ATP13A4: variants seen among roughly 807,000 people sequenced by gnomAD.
ATP13A4 encodes probable cation-transporting ATPase 13A4.
In ATP13A4, 114 loss-of-function variants were observed where a neutral mutation model predicts 142.5. That is an observed-to-expected ratio of 0.80 (90% CI 0.69 to 0.93). ATP13A4 has a LOEUF of 0.93. Among genes scored for constraint, ATP13A4 ranks in the 40% least tolerant of loss-of-function variants. ATP13A4 has a pLI of 0.00. For missense variants in ATP13A4, 1,392 were observed against 1,454.0 expected (o/e 0.96, Z 0.69); for synonymous variants, 488 against 514.8 (o/e 0.95, Z 0.70).
chr3:193,531,811 C>T (rs1465491913), intron 1 of ATP13A4, among the ~76,000 whole-genome samples: 1 of 152,136 alleles, frequency 6.6e-6, no homozygotes, highest in East Asian at 1.9e-4. Context: ...TACTGTTTCT[C>T]TTGGGGGAAA....
chr3:193,419,641 T>A (rs770167414), intron 25 of ATP13A4, among the ~76,000 whole-genome samples: 2 of 148,958 alleles, frequency 1.3e-5, no homozygotes, highest in Non-Finnish European at 3.0e-5. Flanking sequence ...AGCTCGCAGT[T>A]GTGCATTCCA....
In ATP13A4 at chr3:193,462,804, T is replaced by A. The variant is rs1380781026; in HGVS notation, c.1481A>T (p.Asp494Val). The A allele has an allele frequency of 1.9e-6, 3 of 1,613,894 alleles. No homozygotes were observed. Among genetic ancestry groups the A allele is most frequent in the Admixed American group, 1.7e-5 (1 of 59,988 alleles). Residue 494 changes from aspartate to valine, a missense_variant, in exon 13 of 30, where the codon GAC becomes GTC. Physicochemically the swap from Asp to Val is radical, Grantham distance 152. Coordinates refer to ENST00000342695, the MANE Select transcript of ATP13A4 (RefSeq NM_032279.4). ...CFDKTGTLTR[D>V]GLDLWGVVSC... ...CACGACTCCCCAGAGGTCCAAGCCG[T>A]CCCTTGTTAAGGTGCCTGTCTAAAC...
At chr3:193,478,192 T>C (rs571701551) in intron 8 of ATP13A4, among the ~76,000 whole-genome samples, 9 of 151,406 alleles carry the variant, frequency 5.9e-5, no homozygotes, top group Non-Finnish European at 1.3e-4. Flanking sequence ...AAATAGACAA[T>C]CTCAGGTTAC....
At chr3:193,475,189 C>G (rs1718895939) in intron 8 of ATP13A4, among the ~76,000 whole-genome samples, 1 of 151,984 alleles carries the variant, frequency 6.6e-6, no homozygotes, top group Non-Finnish European at 1.5e-5. Flanking sequence ...TATGAAAAGA[C>G]ATATGTACAA....
intron 14 of ATP13A4, 139 bp from the exon 15 acceptor site, chr3:193,457,604 A>C: frequency 1.3e-6 from 1 of 780,800 alleles, no homozygotes; most frequent in East Asian, 2.6e-5. Flanking sequence ...GAGGTGAACC[A>C]GATTTATTCC....
chr3:193,570,566 A>T (rs764453560), intron 2 of ATP13A4, among the ~76,000 whole-genome samples: 5 of 152,190 alleles, frequency 3.3e-5, no homozygotes, highest in Non-Finnish European at 5.9e-5. Context: ...GGTGACAGTG[A>T]ACAGAAGGGA....
chr3:193,473,444 A>G (rs977260860), intron 8 of ATP13A4, among the ~76,000 whole-genome samples: 2 of 152,218 alleles, frequency 1.3e-5, no homozygotes, highest in Non-Finnish European at 2.9e-5. Flanking sequence ...TTTGGCAACT[A>G]TCAAAGTAAT....
intron 1 of ATP13A4, among the ~76,000 whole-genome samples, chr3:193,529,096 C>T (rs1394356097): frequency 6.6e-6 from 1 of 152,038 alleles, no homozygotes; most frequent in Non-Finnish European, 1.5e-5. Flanking sequence ...ATGGCGAAAC[C>T]CCGTCTCTAC....
At chr3:193,541,194 A>G (rs1031945123) in intron 1 of ATP13A4, among the ~76,000 whole-genome samples, 1 of 145,864 alleles carries the variant, frequency 6.9e-6, no homozygotes, top group African/African-American at 2.5e-5. Context: ...GCTTGCAGTG[A>G]GCCGAGATCG....
chr3:193,507,503 T>C (rs1486145347), intron 2 of ATP13A4, among the ~76,000 whole-genome samples: 1 of 152,034 alleles, frequency 6.6e-6, no homozygotes, highest in Non-Finnish European at 1.5e-5. Context: ...TCACAATAAT[T>C]ATTATCTCAG....
At chr3:193,591,508 C>G (rs1400767089) in intron 1 of ATP13A4, among the ~76,000 whole-genome samples, 1 of 152,130 alleles carries the variant, frequency 6.6e-6, no homozygotes. Context: ...GACATACAGA[C>G]CTAAAGCATA....
At chr3:193,514,287 T>C (rs1034736289) in intron 2 of ATP13A4, among the ~76,000 whole-genome samples, 6 of 152,190 alleles carry the variant, frequency 3.9e-5, no homozygotes, top group African/African-American at 1.4e-4. Context: ...CTTCTATGTG[T>C]CCATGTGTTA....
intron 11 of ATP13A4, among the ~76,000 whole-genome samples, chr3:193,465,361 T>C (rs1427458480): frequency 6.6e-6 from 1 of 152,180 alleles, no homozygotes; most frequent in Non-Finnish European, 1.5e-5. Flanking sequence ...CTAATTTTTG[T>C]ATTTTTAGTA....
At chr3:193,585,406 G>C (rs1577091119) in intron 1 of ATP13A4, among the ~76,000 whole-genome samples, 1 of 152,050 alleles carries the variant, frequency 6.6e-6, no homozygotes, top group African/African-American at 2.4e-5. Context: ...GGCAACAAGA[G>C]CAAAGCTCTG....
At chr3:193,568,913 G>A (rs1310463016) in intron 2 of ATP13A4, among the ~76,000 whole-genome samples, 2 of 152,194 alleles carry the variant, frequency 1.3e-5, no homozygotes, top group Non-Finnish European at 2.9e-5. Context: ...ATACAAATAA[G>A]TTATAGAATA....
intron 2 of ATP13A4, among the ~76,000 whole-genome samples, chr3:193,570,395 A>T (rs1724233317): frequency 6.6e-6 from 1 of 152,250 alleles, no homozygotes; most frequent in Admixed American, 6.5e-5. Flanking sequence ...AACATGATTT[A>T]TAGGTTATTT....
intron 18 of ATP13A4, among the ~76,000 whole-genome samples, chr3:193,446,144 G>C (rs373490342): frequency 2.0e-5 from 3 of 152,014 alleles, no homozygotes; most frequent in African/African-American, 7.2e-5. Flanking sequence ...GCCTGGACAA[G>C]AGAGCAAGAC....
chr3:193,401,404 T>C lies in ATP13A4; in HGVS notation c.*1248A>G, dbSNP rs74931798. On this transcript the variant is annotated 3_prime_UTR_variant, in exon 30 of 30. Transcript: ENST00000342695. ...CAAGCCACAAACTTTAAAAAAAAAA[T>C]GTACTAGTTGTGTAAGAACTCCCAT... Among the ~76,000 whole-genome samples, 1 of 151,822 alleles carries C rather than the reference T, an allele frequency of 6.6e-6. No individual in the cohort carries two copies. Among genetic ancestry groups the C allele is most frequent in the Admixed American group, 6.6e-5 (1 of 15,228 alleles).
At chr3:193,495,996 T>A (rs1720203673) in intron 3 of ATP13A4, among the ~76,000 whole-genome samples, 1 of 152,034 alleles carries the variant, frequency 6.6e-6, no homozygotes, top group South Asian at 2.1e-4. Context: ...ATAAAATACA[T>A]AGGAATAAAT....
Sources: allele counts gnomAD v4.1 joint callset (sites outside exome capture counted in the v4.1 genomes callset), GRCh38; gene constraint gnomAD v4.1.1; transcripts MANE v1.5; gene names NCBI Gene and HGNC (gene_info 2026-07-23, HGNC 2026-07-21).